The following TANGO6 variants were observed in gnomAD, a reference collection of about 807,000 sequenced individuals.
TANGO6 encodes the protein transport and golgi organization 6 homolog.
A neutral mutation model predicts 114.2 loss-of-function variants in TANGO6; 90 were observed. The observed-to-expected ratio is 0.79, with a 90% CI of 0.66 to 0.94. The LOEUF (loss-of-function observed/expected upper bound fraction) is 0.94, where lower values mean the gene tolerates loss of function less well. Among genes scored for constraint, TANGO6 ranks in the 40% least tolerant of loss-of-function variants. TANGO6 has a pLI of 0.00. For missense variants in TANGO6, 1,274 were observed against 1,315.3 expected (o/e 0.97, Z 0.49); for synonymous variants, 477 against 509.8 (o/e 0.94, Z 0.87).
At chr16:68,857,334 T>C (rs1962012266) in intron 1 of TANGO6, among the ~76,000 whole-genome samples, 1 of 152,154 alleles carries the variant, frequency 6.6e-6, no homozygotes, top group South Asian at 2.1e-4. Context: ...ATAGCTTATT[T>C]CTTTTTATCA....
At chr16:68,935,138 C>A (rs1246684325) in intron 14 of TANGO6, among the ~76,000 whole-genome samples, 1 of 152,130 alleles carries the variant, frequency 6.6e-6, no homozygotes, top group Non-Finnish European at 1.5e-5. Flanking sequence ...TGTAGTTTGC[C>A]TGGGCCTAAA....
chr16:68,992,242 T>C (rs1251337525), intron 15 of TANGO6, among the ~76,000 whole-genome samples: 1 of 152,166 alleles, frequency 6.6e-6, no homozygotes, highest in Non-Finnish European at 1.5e-5. Flanking sequence ...ATTCGACATA[T>C]GGACTTAACT....
At chr16:68,851,824 A>G (rs1187414880) in intron 1 of TANGO6, among the ~76,000 whole-genome samples, 2 of 152,202 alleles carry the variant, frequency 1.3e-5, no homozygotes, top group Non-Finnish European at 2.9e-5. Flanking sequence ...CTTGCTACAG[A>G]ATGTGTTATA....
Position 68,860,512 on chromosome 16 carries a change from A to G in TANGO6, c.723A>G (p.Thr241=). 1 of 1,613,190 alleles carries G rather than the reference A, an allele frequency of 6.2e-7. No homozygotes were observed. Among genetic ancestry groups the G allele is most frequent in the Non-Finnish European group, 8.5e-7 (1 of 1,179,468 alleles). Residue 241 remains threonine (T), a synonymous_variant, in exon 2 of 18, where the codon ACA becomes ACG. Coordinates refer to ENST00000261778, the MANE Select transcript of TANGO6 (RefSeq NM_024562.2). ...GCCCAACCAAAAGAAAACTGCTAAC[A>G]CCTGCAGAAGAGGTAAATATACATT... ...GFCPTKRKLL[T]PAEEVLTEEE...
intron 17 of TANGO6, among the ~76,000 whole-genome samples, chr16:69,049,401 T>C (rs929052290): frequency 6.6e-6 from 1 of 152,026 alleles, no homozygotes; most frequent in African/African-American, 2.4e-5. Context: ...TTAAGGCTCA[T>C]CCATGTTTTC....
chr16:68,968,424 G>T (rs1443665389), intron 14 of TANGO6, among the ~76,000 whole-genome samples: 1 of 151,262 alleles, frequency 6.6e-6, no homozygotes, highest in Non-Finnish European at 1.5e-5. Context: ...GAGTGCAATG[G>T]TGCAATCTTG....
intron 17 of TANGO6, among the ~76,000 whole-genome samples, chr16:69,049,108 T>G (rs562072230): frequency 6.6e-6 from 1 of 152,298 alleles, no homozygotes; most frequent in South Asian, 2.1e-4. Flanking sequence ...AGTATAAAAT[T>G]CACCCTTTCA....
chr16:68,868,294 T>G (rs1962211326), intron 4 of TANGO6, among the ~76,000 whole-genome samples: 1 of 151,990 alleles, frequency 6.6e-6, no homozygotes, highest in African/African-American at 2.4e-5. Context: ...ATGCTAAGCA[T>G]GGTAGTAGTT....
intron 14 of TANGO6, among the ~76,000 whole-genome samples, chr16:68,931,251 C>T (rs1963235337): frequency 1.3e-5 from 2 of 152,166 alleles, no homozygotes; most frequent in Non-Finnish European, 2.9e-5. Context: ...TGGCAAATTA[C>T]TTAATCCCTG....
At chr16:69,039,164 G>T (rs993359221) in intron 16 of TANGO6, among the ~76,000 whole-genome samples, 1 of 151,370 alleles carries the variant, frequency 6.6e-6, no homozygotes, top group Admixed American at 6.6e-5. Context: ...CAGCCTGGGC[G>T]ACAGAGTGAG....
intron 17 of TANGO6, among the ~76,000 whole-genome samples, chr16:69,064,198 C>T (rs775291753): frequency 5.3e-5 from 8 of 152,108 alleles, no homozygotes; most frequent in African/African-American, 1.4e-4. Context: ...CCATGCCATG[C>T]GTATATTAGC....
At chr16:68,887,548 T>C (rs1962555397) in intron 7 of TANGO6, among the ~76,000 whole-genome samples, 1 of 152,172 alleles carries the variant, frequency 6.6e-6, no homozygotes, top group Non-Finnish European at 1.5e-5. Flanking sequence ...TCCAATATAC[T>C]TTGTTTAAAA....
chr16:68,875,718 G>A (rs570586312), intron 5 of TANGO6, among the ~76,000 whole-genome samples: 84 of 150,862 alleles, frequency 5.6e-4, no homozygotes, highest in Non-Finnish European at 1.0e-3. Context: ...GCCGTGAGCC[G>A]AGATTGAGCC....
intron 15 of TANGO6, among the ~76,000 whole-genome samples, chr16:69,002,095 G>A (rs1381171284): frequency 6.6e-6 from 1 of 152,172 alleles, no homozygotes; most frequent in African/African-American, 2.4e-5. Flanking sequence ...GGAGTTCCAT[G>A]AGGAAAACAG....
chr16:68,992,073 G>A (rs937207373), intron 15 of TANGO6, among the ~76,000 whole-genome samples: 3 of 152,002 alleles, frequency 2.0e-5, no homozygotes, highest in Non-Finnish European at 4.4e-5. Context: ...CTATTGAGAG[G>A]CTCAAATAAA....
At chr16:69,038,429 CAA>C (rs753548074) in intron 16 of TANGO6, among the ~76,000 whole-genome samples, 6 of 137,768 alleles carry the variant, frequency 4.4e-5, no homozygotes, top group African/African-American at 2.7e-5. Flanking sequence ...GATCCTGTTT[CAA>C]AAAAAAAAAA....
At chr16:69,048,110 T>G (rs1289982786) in intron 17 of TANGO6, among the ~76,000 whole-genome samples, 1 of 151,926 alleles carries the variant, frequency 6.6e-6, no homozygotes, top group Non-Finnish European at 1.5e-5. Flanking sequence ...TAAGACAGAG[T>G]CTTGCTCTGT....
intron 4 of TANGO6, among the ~76,000 whole-genome samples, chr16:68,868,760 G>T (rs1371748240): frequency 6.6e-6 from 1 of 152,034 alleles, no homozygotes; most frequent in Non-Finnish European, 1.5e-5. Context: ...GCCTCCCAAA[G>T]TGCTGGGATT....
At chr16:69,000,374 G>A (rs1192995595) in intron 15 of TANGO6, among the ~76,000 whole-genome samples, 1 of 152,064 alleles carries the variant, frequency 6.6e-6, no homozygotes, top group African/African-American at 2.4e-5. Context: ...AAATATCAAA[G>A]GCTTAAAACA....
Sources: gnomAD v4.1 joint callset for allele counts (sites outside exome capture counted in the v4.1 genomes callset) on GRCh38, gnomAD v4.1.1 for gene constraint, MANE v1.5 for transcripts, NCBI Gene and HGNC (gene_info 2026-07-23, HGNC 2026-07-21) for gene names.